The following PRKD1 variants were observed in gnomAD, a reference collection of about 807,000 sequenced individuals.
PRKD1 encodes the protein serine/threonine-protein kinase D1.
In PRKD1, 63 loss-of-function variants were observed where a neutral mutation model predicts 95.9. The observed-to-expected ratio is 0.66, with a 90% confidence interval of 0.54 to 0.81. PRKD1 has a LOEUF of 0.81. Among genes scored for constraint, PRKD1 ranks in the 30% least tolerant of loss-of-function variants. The pLI is 0.00. For synonymous variants in PRKD1, 425 were observed against 423.1 expected, an observed-to-expected ratio of 1.00 and a Z score of -0.05; for missense variants, 1,048 against 1,165.3, an observed-to-expected ratio of 0.90 and a Z score of 1.47.
chr14:29,796,048 A>C (rs1258670407), intron 1 of PRKD1, among the ~76,000 whole-genome samples: 1 of 152,148 alleles, frequency 6.6e-6, no homozygotes, highest in Non-Finnish European at 1.5e-5. Context: ...AGTGATACAC[A>C]TATTTGTAAC....
intron 16 of PRKD1, among the ~76,000 whole-genome samples, chr14:29,591,451 C>T (rs547241334): frequency 1.3e-5 from 2 of 152,132 alleles, no homozygotes; most frequent in African/African-American, 2.4e-5. Flanking sequence ...GGGATCTGGG[C>T]TCCAGAGCAG....
At chr14:29,907,519 T>G (rs1480290783) in intron 1 of PRKD1, among the ~76,000 whole-genome samples, 2 of 152,190 alleles carry the variant, frequency 1.3e-5, no homozygotes, top group Non-Finnish European at 2.9e-5. Context: ...AGATCCCTGG[T>G]CGTGTGGTGT....
At chr14:29,831,887 G>A (rs529258138) in intron 1 of PRKD1, among the ~76,000 whole-genome samples, 20 of 152,032 alleles carry the variant, frequency 1.3e-4, no homozygotes, top group Non-Finnish European at 2.4e-4. Flanking sequence ...GTATGTTGCT[G>A]TATTAGTCCA....
chr14:29,885,602 T>C (rs958276912), intron 1 of PRKD1, among the ~76,000 whole-genome samples: 1 of 152,112 alleles, frequency 6.6e-6, no homozygotes, highest in African/African-American at 2.4e-5. Context: ...TGGCAAAATC[T>C]GAATAAGAAC....
rs561110377 is a variant in PRKD1, at chr14:29,760,452, T to C, written c.265-34778A>G. Reference sequence around the variant, plus strand: ...CTCACTGCAACCTCCGCCTCCTGGGTACAAGCGATTCTCCCGCCTCAGCCT... The same window carrying C: ...CTCACTGCAACCTCCGCCTCCTGGGCACAAGCGATTCTCCCGCCTCAGCCT... On this transcript the variant is annotated intron_variant, in intron 1 of 17. Transcript: ENST00000331968. 7.3e-5 allele frequency among the ~76,000 whole-genome samples: 11 copies of C among 149,906 alleles called. No individual in the cohort carries two copies. The South Asian group carries it at 2.3e-3, about 32-fold the overall frequency.
At chr14:29,893,663 C>T (rs532057554) in intron 1 of PRKD1, among the ~76,000 whole-genome samples, 91 of 152,244 alleles carry the variant, frequency 6.0e-4, no homozygotes, top group African/African-American at 2.1e-3. Flanking sequence ...TTTTCTTTAG[C>T]AGTGGTTCTT....
At position 29,630,912 on chromosome 14, in the gene PRKD1, T is replaced by C. The variant is rs1352748362; in HGVS notation, c.1502A>G (p.Tyr501Cys). 6.2e-7 allele frequency: 1 copy of C among 1,614,004 alleles called. No individual in the cohort carries two copies. Among genetic ancestry groups the C allele is most frequent in the Non-Finnish European group, 8.5e-7 (1 of 1,180,000 alleles). ...ATTGACCACATTTTCTCCCACATAATACACTACATTTGCCGTAGTGATTTC... is the reference window on the plus strand; with the variant it reads ...ATTGACCACATTTTCTCCCACATAACACACTACATTTGCCGTAGTGATTTC... ...CFEITTANVVYYVGENVVNPS... is the reference protein window; with the variant it reads ...CFEITTANVVCYVGENVVNPS... The change falls in exon 10 of 18, where the codon TAT becomes TGT. Residue 501 changes from tyrosine (Y) to cysteine (C), a missense_variant. By Grantham distance (194) the Tyr-to-Cys change is radical. This residue lies in a region of PRKD1 where 739 missense variants were observed against 861.9 expected (regional missense o/e 0.86). Transcript: ENST00000331968.
At position 29,636,404 on chromosome 14, in the gene PRKD1, T is replaced by G; in HGVS notation, c.1076A>C (p.Asp359Ala). 1 of 1,614,194 alleles carries G rather than the reference T, an allele frequency of 6.2e-7. No individual in the cohort carries two copies. The highest frequency in any genetic ancestry group is 1.1e-5 in the South Asian group (1 of 91,090). Residue 359 changes from aspartate (D) to alanine (A), a missense_variant, in exon 7 of 18, where the codon GAT becomes GCT. Asp to Ala is a moderately radical substitution (Grantham distance 126). Around this residue, in one of 3 missense-constraint regions of PRKD1, gnomAD observed 739 missense variants for 861.9 expected, o/e 0.86. Transcript: ENST00000331968. Reference protein sequence around the residue: ...DSERNSGLMDDMEEAMVQDAE... With the variant: ...DSERNSGLMDAMEEAMVQDAE... ...ATCTTGGACCATTGCTTCTTCCATA[T>G]CATCCATGAGCCCACTGTTCCTTTC...
chr14:29,643,078 T>G (rs937248987), intron 4 of PRKD1, among the ~76,000 whole-genome samples: 2 of 152,110 alleles, frequency 1.3e-5, no homozygotes, highest in Non-Finnish European at 2.9e-5. Flanking sequence ...AGAGAATGCA[T>G]TTTTTAAAAT....
chr14:29,841,017 G>C (rs1252229613), intron 1 of PRKD1, among the ~76,000 whole-genome samples: 1 of 152,218 alleles, frequency 6.6e-6, no homozygotes, highest in African/African-American at 2.4e-5. Flanking sequence ...GGATCATTTT[G>C]GAGCTTTAAG....
intron 1 of PRKD1, among the ~76,000 whole-genome samples, chr14:29,870,200 C>T (rs1893053349): frequency 6.6e-6 from 1 of 152,178 alleles, no homozygotes. Context: ...CACCCCCTTT[C>T]CTCGTGCATT....
intron 1 of PRKD1, among the ~76,000 whole-genome samples, chr14:29,822,120 A>G (rs968124621): frequency 6.6e-6 from 1 of 152,142 alleles, no homozygotes; most frequent in Non-Finnish European, 1.5e-5. Context: ...CAGATCTTCA[A>G]TGTTTTTGGC....
At chr14:29,784,915 G>A (rs1277229177) in intron 1 of PRKD1, among the ~76,000 whole-genome samples, 3 of 152,162 alleles carry the variant, frequency 2.0e-5, no homozygotes, top group African/African-American at 7.2e-5. Context: ...AACAACTGTA[G>A]ACTTTAGGGC....
At chr14:29,768,427 G>A (rs1408129434) in intron 1 of PRKD1, among the ~76,000 whole-genome samples, 1 of 152,170 alleles carries the variant, frequency 6.6e-6, no homozygotes, top group African/African-American at 2.4e-5. Flanking sequence ...TTCATAATAT[G>A]TTTTGAAATT....
At chr14:29,774,824 G>A (rs976272069) in intron 1 of PRKD1, among the ~76,000 whole-genome samples, 2 of 152,144 alleles carry the variant, frequency 1.3e-5, no homozygotes, top group African/African-American at 4.8e-5. Flanking sequence ...GCTTCAAACA[G>A]TTAGGAGATA....
At chr14:29,715,647 G>C (rs1885570157) in intron 2 of PRKD1, among the ~76,000 whole-genome samples, 1 of 152,052 alleles carries the variant, frequency 6.6e-6, no homozygotes, top group African/African-American at 2.4e-5. Flanking sequence ...GAAAACCAAA[G>C]GTTTTTTCAA....
intron 8 of PRKD1, among the ~76,000 whole-genome samples, chr14:29,633,580 T>C (rs1236399685): frequency 6.6e-6 from 1 of 152,232 alleles, no homozygotes; most frequent in Non-Finnish European, 1.5e-5. Context: ...ACTGTAGGTA[T>C]ATCTTTCAGG....
At chr14:29,851,446 C>T (rs1454935215) in intron 1 of PRKD1, among the ~76,000 whole-genome samples, 1 of 152,060 alleles carries the variant, frequency 6.6e-6, no homozygotes, top group Non-Finnish European at 1.5e-5. Context: ...CATGAGAAGA[C>T]ATACAAGTGG....
At chr14:29,665,864 A>G (rs944410227) in intron 3 of PRKD1, among the ~76,000 whole-genome samples, 2 of 152,246 alleles carry the variant, frequency 1.3e-5, no homozygotes, top group East Asian at 1.9e-4. Flanking sequence ...AAAAAAACCT[A>G]TATTTTCTCA....
Sources: gnomAD v4.1 joint callset for allele counts (sites outside exome capture counted in the v4.1 genomes callset) on GRCh38, gnomAD v4.1.1 for gene constraint, gnomAD v4.1.1 regional missense constraint, MANE v1.5 for transcripts, NCBI Gene and HGNC (gene_info 2026-07-23, HGNC 2026-07-21) for gene names.